Variants in ZNF292 observed in about 807,000 individuals in gnomAD.
The protein encoded by ZNF292 is 16 zinc-finger domain protein.
ZNF292 carries 26 observed loss-of-function variants against 217.9 expected under a neutral mutation model. The ratio of observed to expected loss-of-function variants is 0.12; its 90% CI spans 0.09 to 0.17. ZNF292 has a LOEUF of 0.17. Among genes scored for constraint, ZNF292 ranks in the 10% least tolerant of loss-of-function variants. The pLI, the probability that ZNF292 is intolerant of heterozygous loss-of-function variation, is 1.00. For missense variants in ZNF292, 2,904 were observed against 3,175.2 expected (o/e 0.91, Z 2.05); for synonymous variants, 1,257 against 1,124.1 (o/e 1.12, Z -2.37).
chr6:87,205,193 C>T (rs779525510), intron 1 of ZNF292, among the ~76,000 whole-genome samples: 48 of 152,234 alleles, frequency 3.2e-4, no homozygotes, highest in Admixed American at 3.9e-4. Flanking sequence ...CAGCTTTAGC[C>T]TCCCAAGTAG....
intron 1 of ZNF292, among the ~76,000 whole-genome samples, chr6:87,200,613 G>A (rs1307763071): frequency 6.6e-6 from 1 of 152,182 alleles, no homozygotes; most frequent in African/African-American, 2.4e-5. Flanking sequence ...CAAAGAATAT[G>A]CAAGAACAGA....
Position 87,234,333 on chromosome 6 carries a change from C to T in ZNF292, c.741+806C>T, listed in dbSNP as rs111378464. ...CAGCACTTTGGGAGGCCGAGGCGGG[C>T]GGATCACGAGGTCAGGAGTTTGAGA... On this transcript the variant is annotated intron_variant, in intron 5 of 7. Transcript: ENST00000369577. Among the ~76,000 whole-genome samples, 727 of 152,004 alleles carry T rather than the reference C, an allele frequency of 4.8e-3. 8 individuals are homozygous for T. The highest frequency in any genetic ancestry group is 0.016 in the African/African-American group (682 of 41,462).
In ZNF292 at chr6:87,252,114, C is replaced by G. The variant is rs140865447; in HGVS notation, c.1021-2536C>G. Among the ~76,000 whole-genome samples the G allele has an allele frequency of 9.4e-3, 1,432 of 151,902 alleles. 19 individuals carry two copies. The highest frequency in any genetic ancestry group is 0.033 in the African/African-American group (1,348 of 41,378). ...ACCCTTCATCCAGAAATCCTTCATT[C>G]TCTGAATCCTTTCTGTTTGTTGTTT... On this transcript the variant is annotated intron_variant, in intron 7 of 7. Transcript: ENST00000369577.
chr6:87,181,885 T>C (rs1168486927), intron 1 of ZNF292, among the ~76,000 whole-genome samples: 1 of 152,128 alleles, frequency 6.6e-6, no homozygotes, highest in Non-Finnish European at 1.5e-5. Flanking sequence ...GGTTTCGCCA[T>C]GTTGGCCCGG....
At chr6:87,224,561 C>T (rs915406754) in intron 4 of ZNF292, among the ~76,000 whole-genome samples, 2 of 152,100 alleles carry the variant, frequency 1.3e-5, no homozygotes, top group African/African-American at 2.4e-5. Flanking sequence ...CAGAATGTCA[C>T]GTAATTAAAG....
chr6:87,216,276 C>T lies in ZNF292; in HGVS notation c.324-23C>T, dbSNP rs1025063067. 6 of 1,549,784 alleles carry T rather than the reference C, an allele frequency of 3.9e-6. No homozygotes were observed. The African/African-American group carries it at 4.1e-5, about 11-fold the overall frequency. ...TTGAATTTTAATAATTATTCCTCTC[C>T]TTACCAACTTTTTGTTTTTTAGAAG... On this transcript the variant is annotated intron_variant, in intron 2 of 7. Coordinates refer to ENST00000369577, the MANE Select transcript of ZNF292 (RefSeq NM_015021.3).
In ZNF292 at chr6:87,263,680, G is replaced by T. The variant is rs1464190293; in HGVS notation, c.*1879G>T. The stretch of plus-strand genomic sequence containing the variant: ...TTATTAAAATAAAAGTTATTTTATG[G>T]GTGATTAATACATGGGTTTTCTTTT... On this transcript the variant is annotated 3_prime_UTR_variant, in exon 8 of 8. Coordinates refer to ENST00000369577, the MANE Select transcript of ZNF292 (RefSeq NM_015021.3). 2.0e-5 allele frequency: 3 copies of T among 151,892 alleles called. No individual in the cohort carries two copies. Among genetic ancestry groups the T allele is most frequent in the East Asian group, 1.9e-4 (1 of 5,192 alleles). 9.4% of individuals were successfully genotyped at this position (151,892 alleles called of 1,614,324 possible).
Position 87,261,101 on chromosome 6 carries a change from A to C in ZNF292, c.7472A>C (p.Lys2491Thr). 6.2e-7 allele frequency: 1 copy of C among 1,611,234 alleles called. No individual in the cohort carries two copies. The change falls in exon 8 of 8, where the codon AAA (lysine) becomes ACA (threonine). Residue 2491 changes from lysine to threonine, a missense_variant. Around this residue, in one of 15 missense-constraint regions of ZNF292, gnomAD observed 380 missense variants for 355.3 expected, o/e 1.07. Transcript: ENST00000369577. ...GAACTAACAGAATTGTTTATTACAA[A>C]ATTAATAAATGAAGATAGCACAAGT... ...MDELTELFIT[K>T]LINEDSTSVE...
intron 4 of ZNF292, chr6:87,222,803 G>T (rs918128613): frequency 2.2e-6 from 1 of 452,472 alleles, no homozygotes; most frequent in African/African-American, 2.0e-5. Context: ...ACATTTAGTC[G>T]TCATGTCTTC....
rs1302008908 is a variant in ZNF292, at chr6:87,261,721, G to C, written c.8092G>C (p.Glu2698Gln). ...ACCTACCGTCAGTCTGAAAAAACTT[G>C]AAGTACATTCAAATGATCCAGATAT... ...MKPTVSLKKL[E>Q]VHSNDPDMSV... Residue 2698 changes from glutamate (E) to glutamine (Q), a missense_variant, in exon 8 of 8, where the codon GAA becomes CAA. Physicochemically the swap from Glu to Gln is conservative, Grantham distance 29 (BLOSUM62 2). This residue lies in a region of ZNF292 where 380 missense variants were observed against 355.3 expected (regional missense o/e 1.07). Transcript: ENST00000369577. The C allele has an allele frequency of 2.5e-6, 4 of 1,612,904 alleles. No individual in the cohort carries two copies. Among genetic ancestry groups the C allele is most frequent in the Non-Finnish European group, 3.4e-6 (4 of 1,179,340 alleles).
At chr6:87,192,481 A>C (rs148341027) in intron 1 of ZNF292, among the ~76,000 whole-genome samples, 3 of 151,910 alleles carry the variant, frequency 2.0e-5, no homozygotes, top group Non-Finnish European at 2.9e-5. Context: ...ATACACTGTA[A>C]TTTTTCACAA....
intron 6 of ZNF292, among the ~76,000 whole-genome samples, chr6:87,244,337 C>T (rs1774460526): frequency 6.6e-6 from 1 of 152,094 alleles, no homozygotes; most frequent in Admixed American, 6.5e-5. Context: ...GTGTGAAAGG[C>T]AGAAAGATTC....
intron 7 of ZNF292, among the ~76,000 whole-genome samples, chr6:87,252,552 C>A (rs963171980): frequency 3.9e-5 from 6 of 152,188 alleles, no homozygotes; most frequent in African/African-American, 1.4e-4. Context: ...TGTACCAGTT[C>A]TTCTGACATT....
At position 87,169,683 on chromosome 6, in the gene ZNF292, G is replaced by C. The variant is rs552469856; in HGVS notation, c.168+13924G>C. 4.5e-5 allele frequency: 20 copies of C among 441,170 alleles called. No individual in the cohort carries two copies. The East Asian group carries it at 9.9e-4, about 22-fold the overall frequency. The allele number at this position is 441,170 out of a possible 1,614,324, so 27.3% of individuals were successfully genotyped here. The stretch of plus-strand genomic sequence containing the variant: ...TTCTGTTTTGAGACAGGGTCTCACT[G>C]TCACCCAGGCTGGAATGCAGTGACG... On this transcript the variant is annotated intron_variant, in intron 1 of 7. Coordinates refer to ENST00000369577, the MANE Select transcript of ZNF292 (RefSeq NM_015021.3).
At chr6:87,209,102 T>TCCCCC (rs1209954907) in intron 1 of ZNF292, among the ~76,000 whole-genome samples, 2 of 83,780 alleles carry the variant, frequency 2.4e-5, no homozygotes, top group African/African-American at 1.8e-4. Context: ...AGCCCCACTT[T>TCCCCC]CACCCCCCCC....
chr6:87,255,549 C>G lies in ZNF292; in HGVS notation c.1920C>G (p.Leu640=). Residue 640 remains leucine (L), a synonymous_variant, in exon 8 of 8, where the codon CTC becomes CTG. Transcript: ENST00000369577. ...QEQRPIKKNS[L]YSTDFIVFND... is the part of the protein sequence containing the mutation. ...AGCGACCTATAAAAAAGAATAGTCT[C>G]TATTCAACAGATTTTATAGTGTTTA... 6.2e-7 allele frequency: 1 copy of G among 1,611,282 alleles called. No individual in the cohort carries two copies. Among genetic ancestry groups the G allele is most frequent in the Non-Finnish European group, 8.5e-7 (1 of 1,178,470 alleles).
chr6:87,240,884 A>G (rs746516553), intron 5 of ZNF292, among the ~76,000 whole-genome samples: 1 of 152,240 alleles, frequency 6.6e-6, no homozygotes, highest in Non-Finnish European at 1.5e-5. Context: ...GAATTCTGGA[A>G]AGATCACAGA....
chr6:87,224,064 C>G (rs187540403), intron 4 of ZNF292: 166 of 152,342 alleles, frequency 1.1e-3, no homozygotes, highest in African/African-American at 3.8e-3. Flanking sequence ...GCCTTTCAGA[C>G]TAGCTTTTTC....
At chr6:87,205,036 A>T (rs950278913) in intron 1 of ZNF292, among the ~76,000 whole-genome samples, 3 of 152,116 alleles carry the variant, frequency 2.0e-5, no homozygotes, top group African/African-American at 7.2e-5. Flanking sequence ...TAAAGAGATT[A>T]TCTGTTTCCT....
Sources: gnomAD v4.1 joint callset for allele counts (sites outside exome capture counted in the v4.1 genomes callset) on GRCh38, gnomAD v4.1.1 for gene constraint, gnomAD v4.1.1 regional missense constraint, MANE v1.5 for transcripts, NCBI Gene and HGNC (gene_info 2026-07-23, HGNC 2026-07-21) for gene names.